PLVAP: variants seen among roughly 807,000 people sequenced by gnomAD.
PLVAP encodes the protein plasmalemma vesicle associated protein.
In PLVAP, 34 loss-of-function variants were observed where a neutral mutation model predicts 43.1. The ratio of observed to expected loss-of-function variants is 0.79; its 90% CI spans 0.60 to 1.05. The LOEUF (loss-of-function observed/expected upper bound fraction) is 1.05, where lower values mean the gene tolerates loss of function less well. Ranked by LOEUF, PLVAP falls within the 50% of genes least tolerant of loss-of-function variation. The probability of loss-of-function intolerance (pLI) is 0.00; values close to 1 mark genes in which losing one functional copy is unlikely to be tolerated. For synonymous variants in PLVAP, 241 were observed against 237.3 expected (o/e 1.02, Z -0.14); for missense variants, 574 against 593.4 (o/e 0.97, Z 0.34).
Position 17,366,198 on chromosome 19 carries a change from G to GC in PLVAP, c.370-4dup. ...CTCTGATTGTTCGTGTAGATGACCT[G>GC]CCCGGAAGATAGGGGAAGGACGCAG... is the stretch of plus-strand genomic sequence containing the variant. On this transcript the variant is annotated splice_polypyrimidine_tract_variant and splice_region_variant and intron_variant, in intron 1 of 5. Transcript: ENST00000252590. The GC allele has an allele frequency of 6.2e-7, 1 of 1,613,698 alleles. No homozygotes were observed. Among genetic ancestry groups the GC allele is most frequent in the East Asian group, 2.2e-5 (1 of 44,858 alleles).
intron 1 of PLVAP, among the ~76,000 whole-genome samples, chr19:17,366,406 C>T (rs922224795): frequency 1.3e-5 from 2 of 151,874 alleles, no homozygotes; most frequent in African/African-American, 4.8e-5. Context: ...TCACTCGAGC[C>T]CAAGAGTTTG....
intron 1 of PLVAP, 141 bp from the exon 2 acceptor site, chr19:17,366,336 A>C (rs778647966): frequency 4.1e-6 from 3 of 724,960 alleles, no homozygotes; most frequent in Non-Finnish European, 7.0e-6. Flanking sequence ...GAATGTTAGA[A>C]GCCAGGTGTG....
chr19:17,360,884 G>A, intron 3 of PLVAP, 52 bp from the exon 4 acceptor site: 1 of 1,458,374 alleles, frequency 6.9e-7, no homozygotes, highest in South Asian at 1.2e-5. Context: ...TTCCCAGACA[G>A]GCTTCTGCCT....
chr19:17,353,358 T>G (rs544110834), intron 5 of PLVAP, among the ~76,000 whole-genome samples: 10 of 152,246 alleles, frequency 6.6e-5, no homozygotes, highest in African/African-American at 1.9e-4. Flanking sequence ...TGTCCCGTAG[T>G]CTGTTCCCCA....
At position 17,351,477 on chromosome 19, in the gene PLVAP, A is replaced by C. The variant is rs1480637455; in HGVS notation, c.*885T>G. ...TTGAAGGATTTACTAATATTTATTA[A>C]GTGCCACCAACATTTCAACGGGCCA... On this transcript the variant is annotated 3_prime_UTR_variant, in exon 6 of 6. Coordinates refer to ENST00000252590, the MANE Select transcript of PLVAP (RefSeq NM_031310.3). 2 of 152,256 alleles carry C rather than the reference A, an allele frequency of 1.3e-5. No homozygotes were observed. The allele number at this position is 152,256 out of a possible 1,614,324, so 9.4% of individuals were successfully genotyped here. A position where few individuals can be genotyped will look rare whatever the true frequency, so the allele number is the denominator to read the frequency against.
intron 2 of PLVAP, 43 bp from the exon 3 acceptor site, chr19:17,366,041 GC>G: frequency 6.2e-7 from 1 of 1,611,732 alleles, no homozygotes; most frequent in Non-Finnish European, 8.5e-7. Context: ...ATTGGGGGCT[GC>G]CGAGAGCACT....
At chr19:17,371,159 TTTA>T (rs985987114) in intron 1 of PLVAP, among the ~76,000 whole-genome samples, 4 of 151,504 alleles carry the variant, frequency 2.6e-5, no homozygotes, top group Admixed American at 1.3e-4. Flanking sequence ...TTAAAAATTA[TTTA>T]TTATTATTAT....
At chr19:17,355,258 T>C (rs1341192250) in intron 5 of PLVAP, among the ~76,000 whole-genome samples, 1 of 142,010 alleles carries the variant, frequency 7.0e-6, no homozygotes, top group Non-Finnish European at 1.5e-5. Flanking sequence ...ATAATAATAA[T>C]AATAAAATAA....
At position 17,365,602 on chromosome 19, in the gene PLVAP, C is replaced by G; in HGVS notation, c.863G>C (p.Arg288Pro). ...LMSSKVEELA[R>P]SLRADIERVA... is the part of the protein sequence containing the mutation. Reference sequence around the variant, plus strand: ...GCGTTCGATATCCGCCCGGAGGCTCCGGGCCAGCTCCTCCACCTTGGAGCT... The same window carrying G: ...GCGTTCGATATCCGCCCGGAGGCTCGGGGCCAGCTCCTCCACCTTGGAGCT... Residue 288 changes from arginine to proline, a missense_variant, in exon 3 of 6, where the codon CGG becomes CCG. Coordinates refer to ENST00000252590, the MANE Select transcript of PLVAP (RefSeq NM_031310.3). 6.2e-7 allele frequency: 1 copy of G among 1,613,044 alleles called. No homozygotes were observed. Among genetic ancestry groups the G allele is most frequent in the Non-Finnish European group, 8.5e-7 (1 of 1,180,022 alleles).
At chr19:17,376,085 G>A (rs1340426021) in intron 1 of PLVAP, among the ~76,000 whole-genome samples, 4 of 152,098 alleles carry the variant, frequency 2.6e-5, no homozygotes, top group Non-Finnish European at 5.9e-5. Context: ...GGCTGAGGCA[G>A]GAGGATTGCT....
At chr19:17,355,225 A>AAATAAT (rs150379358) in intron 5 of PLVAP, among the ~76,000 whole-genome samples, 25,882 of 139,294 alleles carry the variant, frequency 0.19, 2,645 homozygotes, top group Non-Finnish European at 0.23. Context: ...CTCCATCTCA[A>AAATAAT]AATAATAATA....
At chr19:17,375,520 G>A (rs746078522) in intron 1 of PLVAP, among the ~76,000 whole-genome samples, 1 of 152,018 alleles carries the variant, frequency 6.6e-6, no homozygotes, top group African/African-American at 2.4e-5. Context: ...CACTTTAGGA[G>A]GGTGAGCCTA....
intron 5 of PLVAP, among the ~76,000 whole-genome samples, chr19:17,359,439 C>G (rs1252752466): frequency 6.8e-6 from 1 of 148,106 alleles, no homozygotes; most frequent in African/African-American, 2.5e-5. Flanking sequence ...CAGAGTCTTG[C>G]TCTGTTCCCA....
At chr19:17,359,295 G>C (rs2074518589) in intron 5 of PLVAP, among the ~76,000 whole-genome samples, 1 of 143,780 alleles carries the variant, frequency 7.0e-6, no homozygotes, top group East Asian at 2.0e-4. Context: ...TTTTTTTTTA[G>C]TAGAGACAGG....
chr19:17,367,991 G>A (rs1247433996), intron 1 of PLVAP, among the ~76,000 whole-genome samples: 12 of 151,564 alleles, frequency 7.9e-5, no homozygotes, highest in Non-Finnish European at 1.5e-4. Context: ...TCTGCCTCCC[G>A]GGTTCAAGTG....
At position 17,355,683 on chromosome 19, in the gene PLVAP, C is replaced by T. The variant is rs1028105763; in HGVS notation, c.1323-3315G>A. Among the ~76,000 whole-genome samples the T allele has an allele frequency of 2.6e-5, 4 of 151,936 alleles. 1 individual carries two copies. Among genetic ancestry groups the T allele is most frequent in the South Asian group, 4.2e-4 (2 of 4,812 alleles). ...CCGAGTAGCTGGGATTACAGGCACA[C>T]TCCACCATGTCCAGTTAATTTTTTG... is the stretch of plus-strand genomic sequence containing the variant. On this transcript the variant is annotated intron_variant, in intron 5 of 5. Transcript: ENST00000252590.
At position 17,358,406 on chromosome 19, in the gene PLVAP, C is replaced by A. The variant is rs367764458; in HGVS notation, c.1322+2122G>T. Among the ~76,000 whole-genome samples the A allele has an allele frequency of 5.3e-5, 8 of 152,224 alleles. No homozygotes were observed. The East Asian group carries it at 1.5e-3, about 29-fold the overall frequency. On this transcript the variant is annotated intron_variant, in intron 5 of 5. Coordinates refer to ENST00000252590, the MANE Select transcript of PLVAP (RefSeq NM_031310.3). ...TGAGGCTGCAACAGACCCAGAATGACAATAGCTCCGTGGCAAAATGGTCAT... is the reference window on the plus strand; with the variant it reads ...TGAGGCTGCAACAGACCCAGAATGAAAATAGCTCCGTGGCAAAATGGTCAT...
rs113583051 is a variant in PLVAP at position 17,356,083 on chromosome 19, C to A, written c.1323-3715G>T. Among the ~76,000 whole-genome samples the A allele has an allele frequency of 1.0e-2, 1,518 of 152,086 alleles. 9 individuals are homozygous for A. The highest frequency in any genetic ancestry group is 0.02 in the Middle Eastern group (6 of 294). ...CAGAACTTTGGGAGGCCAAGGCGGG[C>A]GGACTGCCTGAGGTCAGGAGTTCGA... On this transcript the variant is annotated intron_variant, in intron 5 of 5. Coordinates refer to ENST00000252590, the MANE Select transcript of PLVAP (RefSeq NM_031310.3).
intron 5 of PLVAP, among the ~76,000 whole-genome samples, chr19:17,360,036 C>T (rs2074521960): frequency 6.6e-6 from 1 of 152,154 alleles, no homozygotes; most frequent in Non-Finnish European, 1.5e-5. Context: ...CCTCATGCTC[C>T]AGCTCTTCCT....
Sources: allele counts gnomAD v4.1 joint callset (sites outside exome capture counted in the v4.1 genomes callset), GRCh38; gene constraint gnomAD v4.1.1; transcripts MANE v1.5; gene names NCBI Gene and HGNC (gene_info 2026-07-23, HGNC 2026-07-21).